The following CHRM3 variants were observed in gnomAD, a reference collection of about 807,000 sequenced individuals.
CHRM3 encodes cholinergic receptor muscarinic 3.
Under a neutral mutation model 41.8 loss-of-function variants are expected in CHRM3, and 11 were observed. The observed-to-expected ratio is 0.26, with a 90% CI of 0.17 to 0.44. CHRM3 has a LOEUF of 0.44. Among genes scored for constraint, CHRM3 ranks in the 20% least tolerant of loss-of-function variants. The pLI, the probability that CHRM3 is intolerant of heterozygous loss-of-function variation, is 1.00. For missense variants in CHRM3, 571 were observed against 745.4 expected, an observed-to-expected ratio of 0.77 and a Z score of 2.72; for synonymous variants, 297 against 301.4, an observed-to-expected ratio of 0.99 and a Z score of 0.15.
chr1:239,410,684 T>A (rs1207977048), intron 1 of CHRM3, among the ~76,000 whole-genome samples: 2 of 152,162 alleles, frequency 1.3e-5, no homozygotes, highest in Non-Finnish European at 2.9e-5. Context: ...GTGTCCCTTC[T>A]ACACCCCCTT....
intron 6 of CHRM3, among the ~76,000 whole-genome samples, chr1:239,868,982 G>C (rs1676349195): frequency 6.6e-6 from 1 of 152,176 alleles, no homozygotes; most frequent in Admixed American, 6.5e-5. Flanking sequence ...AGGAGAGCCT[G>C]GGGTGGGGAT....
intron 5 of CHRM3, among the ~76,000 whole-genome samples, chr1:239,692,781 A>G (rs1192008518): frequency 2.0e-5 from 3 of 152,208 alleles, no homozygotes; most frequent in East Asian, 3.9e-4. Flanking sequence ...TAAAGGCTTT[A>G]CACTGGAGTA....
intron 6 of CHRM3, among the ~76,000 whole-genome samples, chr1:239,895,837 AG>A (rs35330536): frequency 6.6e-6 from 1 of 152,136 alleles, no homozygotes. Context: ...GGGTGGGTGG[AG>A]GGAAAGGATT....
intron 5 of CHRM3, among the ~76,000 whole-genome samples, chr1:239,820,180 A>T (rs1460722791): frequency 1.3e-5 from 2 of 152,228 alleles, no homozygotes; most frequent in African/African-American, 4.8e-5. Context: ...TTATACATTT[A>T]TTCCTACTGT....
At chr1:239,556,618 T>C (rs1660378714) in intron 3 of CHRM3, among the ~76,000 whole-genome samples, 1 of 152,178 alleles carries the variant, frequency 6.6e-6, no homozygotes, top group Non-Finnish European at 1.5e-5. Context: ...TCCAGTTCAA[T>C]TCCGATACTT....
intron 4 of CHRM3, among the ~76,000 whole-genome samples, chr1:239,671,060 A>G (rs546714558): frequency 1.3e-5 from 2 of 152,274 alleles, no homozygotes; most frequent in African/African-American, 2.4e-5. Flanking sequence ...CTCTGCCAAC[A>G]TAGATGTATT....
chr1:239,455,640 A>G (rs1304964303), intron 1 of CHRM3, among the ~76,000 whole-genome samples: 1 of 152,242 alleles, frequency 6.6e-6, no homozygotes, highest in African/African-American at 2.4e-5. Context: ...GTATAAGGGT[A>G]TAAAGAAACC....
chr1:239,669,040 C>T (rs1674096512), intron 4 of CHRM3, among the ~76,000 whole-genome samples: 2 of 152,176 alleles, frequency 1.3e-5, no homozygotes, highest in African/African-American at 4.8e-5. Context: ...TCCTGAGCTT[C>T]CATCTCCCCG....
intron 1 of CHRM3, among the ~76,000 whole-genome samples, chr1:239,467,905 C>CT (rs60234066): frequency 0.3 from 45,187 of 151,692 alleles, 7,833 homozygotes; most frequent in African/African-American, 0.48. Context: ...CCCTACCCCC[C>CT]CCCAACGTTA....
At chr1:239,588,726 A>G (rs560368351) in intron 3 of CHRM3, among the ~76,000 whole-genome samples, 31 of 152,298 alleles carry the variant, frequency 2.0e-4, no homozygotes, top group African/African-American at 6.3e-4. Context: ...GCTGCTAATA[A>G]CAGGTACAAC....
At chr1:239,459,033 G>T (rs1022610856) in intron 1 of CHRM3, among the ~76,000 whole-genome samples, 17 of 152,116 alleles carry the variant, frequency 1.1e-4, no homozygotes, top group African/African-American at 4.1e-4. Context: ...TGTAGTTAGG[G>T]CTCATTCTCC....
chr1:239,669,852 C>A (rs1433615656), intron 4 of CHRM3, among the ~76,000 whole-genome samples: 1 of 152,172 alleles, frequency 6.6e-6, no homozygotes, highest in Non-Finnish European at 1.5e-5. Flanking sequence ...ACCCATCTTG[C>A]AGCTTCAATA....
chr1:239,804,690 C>G (rs12072029), intron 5 of CHRM3, among the ~76,000 whole-genome samples: 28,199 of 152,166 alleles, frequency 0.19, 2,718 homozygotes, highest in East Asian at 0.34. Context: ...ATCCCCAAAT[C>G]CTGCAACTCG....
intron 6 of CHRM3, among the ~76,000 whole-genome samples, chr1:239,882,959 G>A (rs982258993): frequency 2.0e-5 from 3 of 152,224 alleles, no homozygotes; most frequent in African/African-American, 7.2e-5. Flanking sequence ...CGCAGAGAAA[G>A]GCATCTCTTC....
At chr1:239,454,137 A>G (rs1448950376) in intron 1 of CHRM3, among the ~76,000 whole-genome samples, 1 of 152,146 alleles carries the variant, frequency 6.6e-6, no homozygotes, top group East Asian at 1.9e-4. Flanking sequence ...ACCTCGAGCT[A>G]GTGGCAGATC....
At chr1:239,443,451 A>G (rs1388460693) in intron 1 of CHRM3, among the ~76,000 whole-genome samples, 1 of 152,208 alleles carries the variant, frequency 6.6e-6, no homozygotes. Context: ...ATCTAGAAAA[A>G]AAAACTTCCA....
intron 3 of CHRM3, among the ~76,000 whole-genome samples, chr1:239,549,252 TAAAC>T (rs781612866): frequency 6.6e-6 from 1 of 152,168 alleles, no homozygotes; most frequent in Non-Finnish European, 1.5e-5. Flanking sequence ...TATCACCTAC[TAAAC>T]AGACAGATTT....
chr1:239,670,066 T>G (rs1370020435), intron 4 of CHRM3, among the ~76,000 whole-genome samples: 1 of 152,194 alleles, frequency 6.6e-6, no homozygotes, highest in Non-Finnish European at 1.5e-5. Context: ...CCAGTTAAGG[T>G]TTTGTTTTAA....
chr1:239,620,379 T>C (rs1045634298), intron 3 of CHRM3, among the ~76,000 whole-genome samples: 3 of 152,152 alleles, frequency 2.0e-5, no homozygotes, highest in Admixed American at 2.0e-4. Flanking sequence ...AGATAATAAA[T>C]AGATACATCT....
Sources: allele counts gnomAD v4.1 joint callset (sites outside exome capture counted in the v4.1 genomes callset), GRCh38; gene constraint gnomAD v4.1.1; transcripts MANE v1.5; gene names NCBI Gene and HGNC (gene_info 2026-07-23, HGNC 2026-07-21).